The following NPHP1 variants were observed in gnomAD, a reference collection of about 807,000 sequenced individuals.
NPHP1 encodes nephrocystin 1.
In NPHP1, 70 loss-of-function variants were observed where a neutral mutation model predicts 90.4. The observed-to-expected ratio is 0.77, with a 90% CI of 0.64 to 0.95. The LOEUF is 0.95. Ranked by LOEUF, NPHP1 falls within the 40% of genes least tolerant of loss-of-function variation. NPHP1 has a pLI of 0.00. For missense variants in NPHP1, 764 were observed against 795.9 expected (o/e 0.96, Z 0.48); for synonymous variants, 256 against 271.7 (o/e 0.94, Z 0.57).
intron 2 of NPHP1, among the ~76,000 whole-genome samples, chr2:110,195,784 T>G (rs1403932829): frequency 6.6e-6 from 1 of 152,098 alleles, no homozygotes; most frequent in Non-Finnish European, 1.5e-5. Context: ...CAAAACAGCA[T>G]GGTACTGGTA....
intron 2 of NPHP1, among the ~76,000 whole-genome samples, chr2:110,190,525 C>T (rs568094489): frequency 2.0e-4 from 31 of 152,318 alleles, no homozygotes; most frequent in African/African-American, 7.0e-4. Context: ...CCGGAACTCA[C>T]GCTGGCCCAC....
At position 110,143,639 on chromosome 2, in the gene NPHP1, G is replaced by A; in HGVS notation, c.1432C>T (p.His478Tyr). Residue 478 changes from histidine (H) to tyrosine (Y), a missense_variant and splice_region_variant, in exon 16 of 20, where the codon CAC becomes TAC. Transcript: ENST00000445609. ...ATAATCTGGTAGAAAACACTGCCGT[G>A]TGCTTTTAAGAAAAATCAAAAGTAA... ...EVDPSISRRAHGSVFYQIMTM... is the reference protein window; with the variant it reads ...EVDPSISRRAYGSVFYQIMTM... 5 of 1,609,610 alleles carry A rather than the reference G, an allele frequency of 3.1e-6. No individual in the cohort carries two copies. The South Asian group carries it at 5.5e-5, about 18-fold the overall frequency.
rs189641768 is a variant in NPHP1 at position 110,171,291 on chromosome 2, A to G, written c.330-1293T>C. ...GAGCACCTACTGTGTGACAGACACTATGTGCTTGGGCTATAACAATGAACA... is the reference window on the plus strand; with the variant it reads ...GAGCACCTACTGTGTGACAGACACTGTGTGCTTGGGCTATAACAATGAACA... On this transcript the variant is annotated intron_variant, in intron 4 of 19. Transcript: ENST00000445609. Among the ~76,000 whole-genome samples the G allele has an allele frequency of 4.5e-4, 69 of 152,290 alleles. No homozygotes were observed. The East Asian group carries it at 6.0e-3, about 13-fold the overall frequency.
intron 16 of NPHP1, among the ~76,000 whole-genome samples, chr2:110,140,370 T>C (rs1302807690): frequency 6.6e-6 from 1 of 152,094 alleles, no homozygotes; most frequent in African/African-American, 2.4e-5. Flanking sequence ...TTCTGTACTG[T>C]AATGAAACAA....
intron 19 of NPHP1, chr2:110,124,693 GCAGCA>G: frequency 5.9e-6 from 1 of 168,266 alleles, no homozygotes; most frequent in Non-Finnish European, 1.3e-5. Flanking sequence ...CTGTCCACAG[GCAGCA>G]GAGTCTACAC....
chr2:110,144,554 G>A lies in NPHP1; in HGVS notation c.1368C>T (p.Phe456=). 1 of 1,599,564 alleles carries A rather than the reference G, an allele frequency of 6.3e-7. No homozygotes were observed. Among genetic ancestry groups the A allele is most frequent in the Middle Eastern group, 1.7e-4 (1 of 6,032 alleles). Residue 456 remains phenylalanine (F), a synonymous_variant, in exon 15 of 20, where the codon TTC becomes TTT. Transcript: ENST00000445609. ...VPIPAKTYEL[F]LNGGTPYEKG... is the part of the protein sequence containing the mutation. The stretch of plus-strand genomic sequence containing the variant: ...TTTCATAAGGAGTACCACCATTCAA[G>A]AAAAGCTCATAAGTTCTATAAAAGA...
chr2:110,190,947 C>A (rs569130231), intron 2 of NPHP1, among the ~76,000 whole-genome samples: 1 of 152,078 alleles, frequency 6.6e-6, no homozygotes, highest in African/African-American at 2.4e-5. Context: ...CAGTGAAGTA[C>A]CATCTCATGC....
At chr2:110,152,762 A>C (rs1418376708) in intron 11 of NPHP1, among the ~76,000 whole-genome samples, 3 of 152,006 alleles carry the variant, frequency 2.0e-5, no homozygotes, top group Non-Finnish European at 4.4e-5. Flanking sequence ...TAGATCAAGA[A>C]CTCTAAACTC....
At position 110,164,212 on chromosome 2, in the gene NPHP1, A is replaced by AT. The variant is rs1394410946; in HGVS notation, c.771+475dup. 2.8e-5 allele frequency: 10 copies of AT among 352,582 alleles called. No homozygotes were observed. The East Asian group carries it at 5.5e-4, about 20-fold the overall frequency. 21.8% of individuals were successfully genotyped at this position (352,582 alleles called of 1,614,324 possible). ...CCACCACACCTGGCTAATTTTTCTT[A>AT]TTTTTTGTAGGATAGGGTCTCACTA... On this transcript the variant is annotated intron_variant, in intron 8 of 19. Coordinates refer to ENST00000445609, the MANE Select transcript of NPHP1 (RefSeq NM_001128178.3).
intron 16 of NPHP1, among the ~76,000 whole-genome samples, chr2:110,141,856 C>A (rs1186560801): frequency 9.2e-5 from 14 of 151,474 alleles, no homozygotes; most frequent in Admixed American, 9.2e-4. Context: ...GCCTGTAGTC[C>A]CAGCTACTCG....
chr2:110,170,110 A>T (rs1683018673), intron 4 of NPHP1, 112 bp from the exon 5 acceptor site: 1 of 1,367,690 alleles, frequency 7.3e-7, no homozygotes, highest in Admixed American at 1.7e-5. Flanking sequence ...GCTGGCAAAT[A>T]AAAGAAATAA....
At chr2:110,125,072 C>CA (rs1390694818) in intron 19 of NPHP1, 3 of 864,880 alleles carry the variant, frequency 3.5e-6, no homozygotes, top group Non-Finnish European at 5.0e-6. Context: ...TGTGTTACAA[C>CA]ACCAGAGCTG....
intron 17 of NPHP1, among the ~76,000 whole-genome samples, chr2:110,130,828 C>G (rs1048840491): frequency 6.6e-6 from 1 of 152,168 alleles, no homozygotes; most frequent in African/African-American, 2.4e-5. Flanking sequence ...CTCAAAGAAG[C>G]CTTTCCTTAC....
Position 110,163,244 on chromosome 2 carries a change from C to T in NPHP1, c.772-109G>A, listed in dbSNP as rs1167592990. ...CCCAAAAAAGAAAAATATAAACATA[C>T]AGACTTTAGTGGAAGAATAATACGA... On this transcript the variant is annotated intron_variant, in intron 8 of 19. Transcript: ENST00000445609. The T allele has an allele frequency of 1.6e-5, 13 of 797,436 alleles. No individual in the cohort carries two copies. In the East Asian group the frequency reaches 3.2e-4, roughly 20 times the overall value. 49.4% of individuals were successfully genotyped at this position (797,436 alleles called of 1,614,324 possible).
intron 4 of NPHP1, among the ~76,000 whole-genome samples, chr2:110,176,293 T>C (rs930147748): frequency 7.9e-5 from 12 of 152,144 alleles, no homozygotes; most frequent in African/African-American, 2.9e-4. Context: ...TTTTTAGTTA[T>C]AGAATGTTCA....
intron 2 of NPHP1, chr2:110,184,678 C>A: frequency 1.3e-6 from 1 of 741,162 alleles, no homozygotes; most frequent in Non-Finnish European, 2.5e-6. Context: ...TTCCACTCAT[C>A]GTTTGAGATT....
chr2:110,203,870 G>C (rs1434176815), intron 1 of NPHP1, among the ~76,000 whole-genome samples: 2 of 151,720 alleles, frequency 1.3e-5, no homozygotes, highest in African/African-American at 2.4e-5. Context: ...CTGGGCTCAG[G>C]TGATCCTCCT....
chr2:110,136,826 TA>T, intron 16 of NPHP1, among the ~76,000 whole-genome samples: 1 of 152,222 alleles, frequency 6.6e-6, no homozygotes, highest in Admixed American at 6.5e-5. Context: ...AAAACTACTT[TA>T]AAGTTCACAT....
At chr2:110,183,393 C>G (rs1321689353) in intron 2 of NPHP1, among the ~76,000 whole-genome samples, 1 of 152,216 alleles carries the variant, frequency 6.6e-6, no homozygotes, top group Non-Finnish European at 1.5e-5. Flanking sequence ...AGAACCTCCC[C>G]TTTATTTCGG....
Sources: allele counts gnomAD v4.1 joint callset (sites outside exome capture counted in the v4.1 genomes callset), GRCh38; gene constraint gnomAD v4.1.1; transcripts MANE v1.5; gene names NCBI Gene and HGNC (gene_info 2026-07-23, HGNC 2026-07-21).